Variants in TBC1D14 observed in about 807,000 individuals in gnomAD.
TBC1D14 encodes TBC1 domain family member 14.
In TBC1D14, 26 loss-of-function variants were observed where a neutral mutation model predicts 79.0. That is an observed-to-expected ratio of 0.33 (90% CI 0.24 to 0.46). The LOEUF (loss-of-function observed/expected upper bound fraction) is 0.46. Among genes scored for constraint, TBC1D14 ranks in the 20% least tolerant of loss-of-function variants. The pLI, the probability that TBC1D14 is intolerant of heterozygous loss-of-function variation, is 1.00. For missense variants in TBC1D14, 769 were observed against 887.6 expected, an observed-to-expected ratio of 0.87 and a Z score of 1.70; for synonymous variants, 394 against 349.9, an observed-to-expected ratio of 1.13 and a Z score of -1.40.
chr4:6,945,749 CAAAAAAAAAAAAAAAAA>C (rs71173472), intron 2 of TBC1D14, among the ~76,000 whole-genome samples: 7 of 64,132 alleles, frequency 1.1e-4, no homozygotes, highest in East Asian at 1.1e-3. Flanking sequence ...AACTGCGTCT[CAAAAAAAAAAAAAAAAA>C]AAAAAAAAAA....
At chr4:6,930,279 C>T (rs1711603718) in intron 2 of TBC1D14, among the ~76,000 whole-genome samples, 1 of 152,152 alleles carries the variant, frequency 6.6e-6, no homozygotes. Context: ...TTTTCCTCCT[C>T]CAGTTACTCC....
intron 9 of TBC1D14, chr4:7,007,474 C>A: frequency 8.4e-7 from 1 of 1,193,478 alleles, no homozygotes; most frequent in Non-Finnish European, 1.1e-6. Context: ...GTTGTTCTTG[C>A]AGAATACCTT....
At chr4:6,963,955 G>T (rs1006032741) in intron 2 of TBC1D14, among the ~76,000 whole-genome samples, 4 of 151,906 alleles carry the variant, frequency 2.6e-5, no homozygotes, top group African/African-American at 9.7e-5. Flanking sequence ...GCGCCACCAC[G>T]CCTGGCTAAT....
chr4:6,930,587 C>A (rs1325481488), intron 2 of TBC1D14, among the ~76,000 whole-genome samples: 1 of 152,074 alleles, frequency 6.6e-6, no homozygotes, highest in South Asian at 2.1e-4. Flanking sequence ...CACTTGAGGT[C>A]GGGAGTTGGA....
chr4:6,995,965 T>C (rs1007520268), intron 4 of TBC1D14, among the ~76,000 whole-genome samples: 4 of 152,096 alleles, frequency 2.6e-5, no homozygotes, highest in Non-Finnish European at 4.4e-5. Flanking sequence ...GCCTCCTGAT[T>C]AGCTGGGACT....
chr4:7,010,557 G>A (rs1198068520), intron 10 of TBC1D14, 96 bp from the exon 11 acceptor site: 1 of 1,471,120 alleles, frequency 6.8e-7, no homozygotes, highest in African/African-American at 1.4e-5. Context: ...GACACTTCTA[G>A]TGTGAGGGTG....
intron 1 of TBC1D14, among the ~76,000 whole-genome samples, chr4:6,918,004 G>C (rs573302989): frequency 6.6e-6 from 1 of 152,278 alleles, no homozygotes; most frequent in African/African-American, 2.4e-5. Flanking sequence ...CCTGTTCTGA[G>C]GTTTAAGGAA....
chr4:6,967,493 A>G (rs1397285430), intron 3 of TBC1D14, 69 bp downstream of exon 3: 2 of 1,558,092 alleles, frequency 1.3e-6, no homozygotes, highest in East Asian at 2.3e-5. Context: ...GAACCTTGCA[A>G]AAATGACCAT....
chr4:6,945,620 G>T (rs111657690), intron 2 of TBC1D14, among the ~76,000 whole-genome samples: 1 of 151,932 alleles, frequency 6.6e-6, no homozygotes, highest in African/African-American at 2.4e-5. Flanking sequence ...TGGTGGCAAC[G>T]CGCCTGTAAT....
intron 4 of TBC1D14, 48 bp downstream of exon 4, chr4:6,994,350 T>C (rs1375601626): frequency 6.5e-7 from 1 of 1,537,390 alleles, no homozygotes; most frequent in Admixed American, 1.7e-5. Context: ...AGGAAATAAG[T>C]ACAACTTGCT....
At chr4:6,967,486 C>G in intron 3 of TBC1D14, 62 bp downstream of exon 3, 2 of 1,567,986 alleles carry the variant, frequency 1.3e-6, no homozygotes, top group Non-Finnish European at 1.7e-6. Flanking sequence ...TATTCATGAA[C>G]CTTGCAAAAA....
At chr4:6,931,979 C>T (rs928665932) in intron 2 of TBC1D14, among the ~76,000 whole-genome samples, 3 of 151,720 alleles carry the variant, frequency 2.0e-5, no homozygotes, top group Admixed American at 6.6e-5. Flanking sequence ...AGAGGTGGTA[C>T]GAGGTCCTGG....
At chr4:6,976,542 G>A (rs551730110) in intron 3 of TBC1D14, among the ~76,000 whole-genome samples, 1 of 152,192 alleles carries the variant, frequency 6.6e-6, no homozygotes, top group Non-Finnish European at 1.5e-5. Context: ...GAAAAGAACT[G>A]TCAACCCAAA....
intron 4 of TBC1D14, among the ~76,000 whole-genome samples, chr4:6,994,817 A>G (rs1718843965): frequency 6.6e-6 from 1 of 151,462 alleles, no homozygotes; most frequent in African/African-American, 2.4e-5. Flanking sequence ...CCAAGATCAC[A>G]CCATTAATTA....
At chr4:6,915,647 A>G (rs970595810) in intron 1 of TBC1D14, among the ~76,000 whole-genome samples, 2 of 152,120 alleles carry the variant, frequency 1.3e-5, no homozygotes, top group Non-Finnish European at 2.9e-5. Context: ...AGAACGGTGT[A>G]TTTAGAGTTC....
At chr4:6,986,229 T>C (rs1268413929) in intron 3 of TBC1D14, among the ~76,000 whole-genome samples, 1 of 152,250 alleles carries the variant, frequency 6.6e-6, no homozygotes, top group African/African-American at 2.4e-5. Flanking sequence ...TTTCTTTTCA[T>C]GGCCATTTCC....
At chr4:7,004,713 A>G in intron 7 of TBC1D14, 131 bp from the exon 8 acceptor site, 1 of 713,640 alleles carries the variant, frequency 1.4e-6, no homozygotes, top group Non-Finnish European at 2.4e-6. Context: ...TTGTTTAAGT[A>G]GCCTGTTAAG....
At chr4:6,999,606 A>G (rs1448861797) in intron 6 of TBC1D14, among the ~76,000 whole-genome samples, 1 of 151,964 alleles carries the variant, frequency 6.6e-6, no homozygotes, top group Admixed American at 6.6e-5. Context: ...CCCTCTCCCT[A>G]GGGAGCCCCC....
chr4:6,991,507 C>T lies in TBC1D14; in HGVS notation c.844-2677C>T, dbSNP rs572734181. 1.6e-4 allele frequency among the ~76,000 whole-genome samples: 24 copies of T among 152,334 alleles called. No individual in the cohort carries two copies. In the East Asian group the frequency reaches 4.2e-3, roughly 27 times the overall value. On this transcript the variant is annotated intron_variant, in intron 3 of 13. Coordinates refer to ENST00000409757, the MANE Select transcript of TBC1D14 (RefSeq NM_020773.3). ...CACTTGCTTTTTCTCCCCCTCAGACCTGAAACCACTGGAAGAGGCAGGAAA... is the reference window on the plus strand; with the variant it reads ...CACTTGCTTTTTCTCCCCCTCAGACTTGAAACCACTGGAAGAGGCAGGAAA...
Sources: gnomAD v4.1 joint callset for allele counts (sites outside exome capture counted in the v4.1 genomes callset) on GRCh38, gnomAD v4.1.1 for gene constraint, MANE v1.5 for transcripts, NCBI Gene and HGNC (gene_info 2026-07-23, HGNC 2026-07-21) for gene names.